The following RABGGTB variants were observed in gnomAD, a reference collection of about 807,000 sequenced individuals.
The protein encoded by RABGGTB is Rab geranylgeranyltransferase subunit beta.
RABGGTB carries 20 observed loss-of-function variants against 44.5 expected under a neutral mutation model. The ratio of observed to expected loss-of-function variants is 0.45; its 90% CI spans 0.32 to 0.65. The LOEUF (loss-of-function observed/expected upper bound fraction) is 0.65. Ranked by LOEUF, RABGGTB falls within the 30% of genes least tolerant of loss-of-function variation. The pLI is 0.05. For synonymous variants in RABGGTB, 128 were observed against 136.7 expected (o/e 0.94, Z 0.44); for missense variants, 302 against 398.7 (o/e 0.76, Z 2.06).
At position 75,794,796 on chromosome 1, in the gene RABGGTB, T is replaced by C. The variant is rs1303087379; in HGVS notation, c.*146T>C. The C allele has an allele frequency of 1.9e-6, 1 of 533,032 alleles. No individual in the cohort carries two copies. Among genetic ancestry groups the C allele is most frequent in the Non-Finnish European group, 2.7e-6 (1 of 377,000 alleles). 33.0% of individuals were successfully genotyped at this position (533,032 alleles called of 1,614,324 possible). The stretch of plus-strand genomic sequence containing the variant: ...TTAATAAATTATATAATTATACATA[T>C]TGTAAAATAAAGACCGGTATTTTAT... On this transcript the variant is annotated 3_prime_UTR_variant, in exon 9 of 9. Transcript: ENST00000319942.
chr1:75,786,656 T>C (rs1649496545), intron 1 of RABGGTB: 3 of 265,330 alleles, frequency 1.1e-5, no homozygotes, highest in African/African-American at 6.8e-5. Context: ...CAGAAGAAAA[T>C]TCGGTACTTA....
intron 7 of RABGGTB, 158 bp from the exon 8 acceptor site, chr1:75,793,926 C>G (rs1202350226): frequency 1.0e-5 from 6 of 594,796 alleles, no homozygotes; most frequent in Non-Finnish European, 1.6e-5. Context: ...GTATTTCATA[C>G]CCTGCATATC....
At chr1:75,794,442 G>C in intron 8 of RABGGTB, 68 bp from the exon 9 acceptor site, 1 of 1,483,672 alleles carries the variant, frequency 6.7e-7, no homozygotes, top group Non-Finnish European at 9.2e-7. Flanking sequence ...GTAAAGGTCA[G>C]GTATTCATAA....
intron 4 of RABGGTB, among the ~76,000 whole-genome samples, chr1:75,790,865 T>A (rs1029545541): frequency 1.3e-5 from 2 of 151,940 alleles, no homozygotes; most frequent in African/African-American, 4.8e-5. Flanking sequence ...AGAGATGGGG[T>A]CCCCTGGCCT....
intron 3 of RABGGTB, chr1:75,789,687 C>G (rs968351648): frequency 2.4e-5 from 14 of 572,974 alleles, no homozygotes; most frequent in Non-Finnish European, 4.0e-5. Flanking sequence ...ATGGGAAGAT[C>G]AGGACTTTGT....
intron 4 of RABGGTB, chr1:75,790,356 A>T (rs763513292): frequency 6.4e-4 from 108 of 168,384 alleles, no homozygotes; most frequent in East Asian, 2.2e-3. Context: ...AAAAATATTT[A>T]AAAAAAAAAA....
At chr1:75,787,987 T>C (rs1164096106) in intron 2 of RABGGTB, 1 of 496,720 alleles carries the variant, frequency 2.0e-6, no homozygotes, top group African/African-American at 1.9e-5. Context: ...AAGTTTTACC[T>C]TAAATTTTTA....
chr1:75,792,414 C>A, intron 7 of RABGGTB, 108 bp downstream of exon 7: 2 of 1,447,368 alleles, frequency 1.4e-6, no homozygotes, highest in Non-Finnish European at 9.4e-7. Flanking sequence ...TTATTTATTA[C>A]CTTTCCCTGT....
chr1:75,794,376 A>G, intron 8 of RABGGTB, 134 bp from the exon 9 acceptor site: 1 of 1,304,288 alleles, frequency 7.7e-7, no homozygotes, highest in Non-Finnish European at 1.0e-6. Flanking sequence ...TATGAAGGAT[A>G]TAGAACAATC....
Position 75,787,547 on chromosome 1 carries a change from G to C in RABGGTB, c.54G>C (p.Leu18Phe). The change falls in exon 2 of 9, where the codon TTG becomes TTC. Residue 18 changes from leucine (L) to phenylalanine (F), a missense_variant. Transcript: ENST00000319942. Reference protein sequence around the residue: ...VIIKSDAPDTLLLEKHADYIA... With the variant: ...VIIKSDAPDTFLLEKHADYIA... ...TCAAGTCAGATGCACCGGACACTTT[G>C]TTATTGGAGAAACATGCAGATTATA... The C allele has an allele frequency of 6.2e-7, 1 of 1,614,042 alleles. No homozygotes were observed. The highest frequency in any genetic ancestry group is 8.5e-7 in the Non-Finnish European group (1 of 1,179,964).
chr1:75,792,213 A>C lies in RABGGTB; in HGVS notation c.612A>C (p.Thr204=). 6.2e-7 allele frequency: 1 copy of C among 1,612,884 alleles called. No individual in the cohort carries two copies. The highest frequency in any genetic ancestry group is 2.2e-5 in the East Asian group (1 of 44,866). ...GTTGCACAGGATTTCTGGCAATTAC[A>C]AGTCAGTTGCATCAAGTAAATTCTG... ...IYCCTGFLAI[T]SQLHQVNSDL... Residue 204 remains threonine (T), a synonymous_variant, in exon 7 of 9, where the codon ACA becomes ACC. Coordinates refer to ENST00000319942, the MANE Select transcript of RABGGTB (RefSeq NM_004582.4).
intron 4 of RABGGTB, chr1:75,790,299 A>G (rs2100486858): frequency 8.1e-7 from 1 of 1,232,104 alleles, no homozygotes; most frequent in Non-Finnish European, 1.0e-6. Context: ...TTTCCCCAAT[A>G]TTTGGTGGCT....
At position 75,792,314 on chromosome 1, in the gene RABGGTB, T is replaced by G; in HGVS notation, c.705+8T>G. On this transcript the variant is annotated splice_region_variant and intron_variant, in intron 7 of 8. Transcript: ENST00000319942. Reference sequence around the variant, plus strand: ...AATGGAAGGCCGGAGAAGGTATTGTTTGATAAGCCATATTCTGCTAGCTTT... The same window carrying G: ...AATGGAAGGCCGGAGAAGGTATTGTGTGATAAGCCATATTCTGCTAGCTTT... 6.2e-7 allele frequency: 1 copy of G among 1,613,544 alleles called. No homozygotes were observed. The highest frequency in any genetic ancestry group is 8.5e-7 in the Non-Finnish European group (1 of 1,179,532).
rs1649564959 is a variant in RABGGTB at position 75,788,748 on chromosome 1, A to G, written c.112-411A>G. The stretch of plus-strand genomic sequence containing the variant: ...ATTTTGATTTTTCATGTAGTTATAT[A>G]ATTTACTAATAGATAATAGGTTTTG... On this transcript the variant is annotated intron_variant, in intron 2 of 8. Transcript: ENST00000319942. The G allele has an allele frequency of 2.4e-5, 4 of 167,636 alleles. No homozygotes were observed. The South Asian group carries it at 6.0e-4, about 25-fold the overall frequency. The allele number at this position is 167,636 out of a possible 1,614,324, so 10.4% of individuals were successfully genotyped here.
In RABGGTB at chr1:75,787,216, TTTGTTG is replaced by T. The variant is rs142605109; in HGVS notation, c.4-266_4-261del. 641 of 628,258 alleles carry T rather than the reference TTTGTTG, an allele frequency of 1.0e-3. 1 individual carries two copies. Among genetic ancestry groups the T allele is most frequent in the African/African-American group, 0.01 (569 of 55,792 alleles). The allele number at this position is 628,258 out of a possible 1,614,324, so 38.9% of individuals were successfully genotyped here. A position where few individuals can be genotyped will look rare whatever the true frequency, so the allele number is the denominator to read the frequency against. On this transcript the variant is annotated intron_variant, in intron 1 of 8. Transcript: ENST00000319942. ...TTAAGTTCTTTTTTGTTGGATACAA[TTTGTTG>T]TTGTTGTTGTTGTTTTGGTTTTGTT...
intron 2 of RABGGTB, 184 bp downstream of exon 2, chr1:75,787,788 T>C: frequency 1.5e-6 from 1 of 665,270 alleles, no homozygotes; most frequent in South Asian, 1.7e-5. Flanking sequence ...TATTAGAATC[T>C]CAGTTTTTAC....
rs111724906 is a variant in RABGGTB, at chr1:75,792,499, T to C, written c.705+193T>C. ...AGACCCCCATGAGTTGAAATACTCA[T>C]TGATCCTAATGTCCATTTCCAGACA... On this transcript the variant is annotated intron_variant, in intron 7 of 8. Coordinates refer to ENST00000319942, the MANE Select transcript of RABGGTB (RefSeq NM_004582.4). Among the ~76,000 whole-genome samples, 1,226 of 152,328 alleles carry C rather than the reference T, an allele frequency of 8.0e-3. 5 individuals are homozygous for C. Among genetic ancestry groups the C allele is most frequent in the Non-Finnish European group, 0.013 (851 of 68,026 alleles).
intron 7 of RABGGTB, chr1:75,793,453 C>T (rs542263449): frequency 2.4e-4 from 37 of 152,292 alleles, no homozygotes; most frequent in African/African-American, 8.2e-4. Flanking sequence ...GAGAAACACC[C>T]GCAGTAGCTG....
intron 1 of RABGGTB, 184 bp from the exon 2 acceptor site, chr1:75,787,313 A>T (rs1649519025): frequency 1.9e-5 from 12 of 619,310 alleles, no homozygotes; most frequent in South Asian, 1.7e-4. Flanking sequence ...CTGCAGCCTT[A>T]ATTTCCCTGG....
Sources: gnomAD v4.1 joint callset for allele counts (sites outside exome capture counted in the v4.1 genomes callset) on GRCh38, gnomAD v4.1.1 for gene constraint, MANE v1.5 for transcripts, NCBI Gene and HGNC (gene_info 2026-07-23, HGNC 2026-07-21) for gene names.